Variants in ANO3 observed in about 807,000 individuals in gnomAD.
ANO3 encodes anoctamin 3.
Under a neutral mutation model 144.8 loss-of-function variants are expected in ANO3, and 99 were observed. The observed-to-expected ratio is 0.68, with a 90% CI of 0.58 to 0.81. The LOEUF (loss-of-function observed/expected upper bound fraction) is 0.81, where lower values mean the gene tolerates loss of function less well. Ranked by LOEUF, ANO3 falls within the 30% of genes least tolerant of loss-of-function variation. ANO3 has a pLI of 0.00. For synonymous variants in ANO3, 414 were observed against 392.6 expected (o/e 1.05, Z -0.64); for missense variants, 905 against 1,202.2 (o/e 0.75, Z 3.66).
At chr11:26,452,992 G>A (rs577002185) in intron 3 of ANO3, among the ~76,000 whole-genome samples, 1 of 152,134 alleles carries the variant, frequency 6.6e-6, no homozygotes, top group African/African-American at 2.4e-5. Context: ...CTTCATAAGT[G>A]AAGGAGAAAT....
chr11:26,461,903 C>T (rs1027672946), intron 3 of ANO3, among the ~76,000 whole-genome samples: 2 of 151,906 alleles, frequency 1.3e-5, no homozygotes, highest in Non-Finnish European at 2.9e-5. Flanking sequence ...AAATGTTAAC[C>T]ATCAATGAGT....
intron 3 of ANO3, among the ~76,000 whole-genome samples, chr11:26,457,683 A>G (rs1859221616): frequency 6.6e-6 from 1 of 152,160 alleles, no homozygotes; most frequent in African/African-American, 2.4e-5. Flanking sequence ...AAAGATTTTA[A>G]GTTGGATTTG....
At chr11:26,252,208 T>C (rs536049041) in intron 1 of ANO3, among the ~76,000 whole-genome samples, 1 of 152,306 alleles carries the variant, frequency 6.6e-6, no homozygotes, top group African/African-American at 2.4e-5. Flanking sequence ...TTAAATGACA[T>C]ATTTGTTTTG....
chr11:26,579,262 A>T (rs528755330), intron 14 of ANO3, among the ~76,000 whole-genome samples: 4 of 152,322 alleles, frequency 2.6e-5, no homozygotes, highest in Non-Finnish European at 5.9e-5. Flanking sequence ...AAAAGTTATT[A>T]TAGCTAAATA....
intron 1 of ANO3, among the ~76,000 whole-genome samples, chr11:26,265,868 T>G (rs2133831348): frequency 6.6e-6 from 1 of 152,218 alleles, no homozygotes; most frequent in Middle Eastern, 3.4e-3. Flanking sequence ...ATCCTAGAAG[T>G]GACATGGTTA....
At chr11:26,361,755 A>T (rs186537309) in intron 1 of ANO3, among the ~76,000 whole-genome samples, 1 of 152,290 alleles carries the variant, frequency 6.6e-6, no homozygotes, top group African/African-American at 2.4e-5. Flanking sequence ...TAGTTTTTTG[A>T]CACTCTGGTT....
chr11:26,431,111 G>C (rs1858073577), intron 1 of ANO3, among the ~76,000 whole-genome samples: 1 of 152,184 alleles, frequency 6.6e-6, no homozygotes, highest in African/African-American at 2.4e-5. Flanking sequence ...CGATGACTGA[G>C]GAACTGAATT....
Position 26,599,009 on chromosome 11 carries a change from G to C in ANO3, c.1671+11G>C. 6.2e-7 allele frequency: 1 copy of C among 1,610,684 alleles called. No individual in the cohort carries two copies. Among genetic ancestry groups the C allele is most frequent in the Non-Finnish European group, 8.5e-7 (1 of 1,179,132 alleles). ...GGAATATTCTTCATGGTAAAGTATAGGCATCGATATCAAAATGTTTTGGGA... is the reference window on the plus strand; with the variant it reads ...GGAATATTCTTCATGGTAAAGTATACGCATCGATATCAAAATGTTTTGGGA... On this transcript the variant is annotated intron_variant, in intron 16 of 26. Coordinates refer to ENST00000256737, the MANE Select transcript of ANO3 (RefSeq NM_031418.4).
At chr11:26,476,554 G>T (rs1033879697) in intron 4 of ANO3, among the ~76,000 whole-genome samples, 1 of 151,994 alleles carries the variant, frequency 6.6e-6, no homozygotes, top group African/African-American at 2.4e-5. Flanking sequence ...AATGCTGCAG[G>T]GGTCTATGAG....
intron 1 of ANO3, among the ~76,000 whole-genome samples, chr11:26,317,177 A>G (rs559581542): frequency 6.6e-6 from 1 of 152,194 alleles, no homozygotes; most frequent in South Asian, 2.1e-4. Flanking sequence ...AGGGACAGGT[A>G]AAAAATTGCT....
intron 4 of ANO3, among the ~76,000 whole-genome samples, chr11:26,505,788 T>C (rs140935261): frequency 4.1e-4 from 62 of 151,932 alleles, no homozygotes; most frequent in African/African-American, 1.1e-3. Flanking sequence ...CTGGCTAACA[T>C]GGTGAGACCT....
At chr11:26,262,948 T>C (rs183335835) in intron 1 of ANO3, among the ~76,000 whole-genome samples, 1 of 152,296 alleles carries the variant, frequency 6.6e-6, no homozygotes, top group East Asian at 1.9e-4. Flanking sequence ...CCCTAAATAC[T>C]GAGACATACT....
intron 1 of ANO3, among the ~76,000 whole-genome samples, chr11:26,260,765 G>A (rs1853169322): frequency 6.6e-6 from 1 of 152,124 alleles, no homozygotes; most frequent in South Asian, 2.1e-4. Flanking sequence ...TTTGTGGGCT[G>A]TTTTTGCTGC....
At chr11:26,628,141 A>G (rs1196564399) in intron 18 of ANO3, among the ~76,000 whole-genome samples, 1 of 152,134 alleles carries the variant, frequency 6.6e-6, no homozygotes, top group Non-Finnish European at 1.5e-5. Context: ...TGAGGATTAG[A>G]TCAGGATGGC....
intron 17 of ANO3, among the ~76,000 whole-genome samples, chr11:26,610,086 T>G (rs899259020): frequency 6.6e-5 from 10 of 152,258 alleles, no homozygotes; most frequent in Middle Eastern, 3.4e-3. Flanking sequence ...TAATTTTGTA[T>G]TTTTAGTAGA....
intron 1 of ANO3, among the ~76,000 whole-genome samples, chr11:26,376,530 G>A (rs192702911): frequency 1.3e-5 from 2 of 152,054 alleles, no homozygotes. Flanking sequence ...GCATTTTCTT[G>A]AAACATGTCC....
intron 7 of ANO3, among the ~76,000 whole-genome samples, chr11:26,530,490 T>TATC (rs752063481): frequency 1.7e-5 from 1 of 57,352 alleles, no homozygotes; most frequent in African/African-American, 5.4e-5. Context: ...TCTATCTATC[T>TATC]ATCTATCTAT....
chr11:26,543,219 A>G (rs1304012890), intron 11 of ANO3, among the ~76,000 whole-genome samples: 1 of 152,076 alleles, frequency 6.6e-6, no homozygotes, highest in Non-Finnish European at 1.5e-5. Flanking sequence ...CGGCCAAACC[A>G]TGGCCCAAGA....
rs768773128 is a variant in ANO3 at position 26,463,054 on chromosome 11, C to T, written c.338C>T (p.Thr113Met). Residue 113 changes from threonine (T) to methionine (M), a missense_variant, in exon 4 of 27, where the codon ACG (threonine) becomes ATG (methionine). Physicochemically the swap from Thr to Met is moderately conservative, Grantham distance 81 (BLOSUM62 -1). This residue lies in a region of ANO3 where 174 missense variants were observed against 171.9 expected (regional missense o/e 1.01). Coordinates refer to ENST00000256737, the MANE Select transcript of ANO3 (RefSeq NM_031418.4). ...GCCCTAGGAAAAGATAAGGATTACACGGATGAATCAGAACACGCTACTTAT... is the reference window on the plus strand; with the variant it reads ...GCCCTAGGAAAAGATAAGGATTACATGGATGAATCAGAACACGCTACTTAT... ...CLALGKDKDY[T>M]DESEHATYDR... 5.0e-6 allele frequency: 8 copies of T among 1,584,828 alleles called. No individual in the cohort carries two copies. Among genetic ancestry groups the T allele is most frequent in the Admixed American group, 3.5e-5 (2 of 56,532 alleles).
Sources: allele counts gnomAD v4.1 joint callset (sites outside exome capture counted in the v4.1 genomes callset), GRCh38; gene constraint gnomAD v4.1.1; regional missense constraint gnomAD v4.1.1; transcripts MANE v1.5; gene names NCBI Gene and HGNC (gene_info 2026-07-23, HGNC 2026-07-21).